KHDC1: variants seen among roughly 807,000 people sequenced by gnomAD.
KHDC1 encodes the protein KH homology domain-containing protein 1.
KHDC1 carries 21 observed loss-of-function variants against 24.7 expected under a neutral mutation model. The observed-to-expected ratio is 0.85, with a 90% CI of 0.60 to 1.23. KHDC1 has a LOEUF of 1.23. Among genes scored for constraint, KHDC1 ranks in the 50% most tolerant of loss-of-function variants. KHDC1 has a pLI of 0.00. For missense variants in KHDC1, 274 were observed against 298.5 expected, an observed-to-expected ratio of 0.92 and a Z score of 0.61; for synonymous variants, 98 against 111.7, an observed-to-expected ratio of 0.88 and a Z score of 0.77.
At chr6:73,262,680 T>C (rs1767001858) in intron 2 of KHDC1, 94 bp downstream of exon 1, 1 of 953,474 alleles carries the variant, frequency 1.0e-6, no homozygotes, top group African/African-American at 1.8e-5. Context: ...GTTTCCCCTG[T>C]TTTTACACTT....
chr6:73,243,059 T>C (rs550149007), intron 2 of KHDC1, among the ~76,000 whole-genome samples: 2 of 152,252 alleles, frequency 1.3e-5, no homozygotes, highest in East Asian at 1.9e-4. Flanking sequence ...TGGGTGAGTC[T>C]AAGGAGTGTT....
intron 2 of KHDC1, chr6:73,276,469 A>T (rs1283455106): frequency 6.6e-6 from 1 of 150,818 alleles, no homozygotes; most frequent in Non-Finnish European, 1.5e-5. Context: ...CCTGGGCGAA[A>T]GAGCAAAACT....
At chr6:73,252,192 G>C (rs942835194) in intron 2 of KHDC1, among the ~76,000 whole-genome samples, 3 of 151,938 alleles carry the variant, frequency 2.0e-5, no homozygotes, top group African/African-American at 7.3e-5. Context: ...ACAGGCCTGA[G>C]CCACCATACC....
intron 2 of KHDC1, among the ~76,000 whole-genome samples, chr6:73,278,009 GTTTT>G (rs70994182): frequency 2.8e-5 from 3 of 106,330 alleles, no homozygotes; most frequent in African/African-American, 1.2e-4. Flanking sequence ...TCTCTCGGGT[GTTTT>G]TTTTTTTTTT....
chr6:73,273,202 CTGTT>C (rs1767214358), intron 2 of KHDC1, among the ~76,000 whole-genome samples: 2 of 150,760 alleles, frequency 1.3e-5, no homozygotes, highest in South Asian at 4.2e-4. Flanking sequence ...GAGTCTCTCT[CTGTT>C]GCCCAGGCTG....
At chr6:73,276,859 T>C (rs573416325) in intron 2 of KHDC1, among the ~76,000 whole-genome samples, 2 of 152,180 alleles carry the variant, frequency 1.3e-5, no homozygotes, top group African/African-American at 2.4e-5. Flanking sequence ...AGATTCAAAA[T>C]GAGTTATAAT....
chr6:73,248,645 G>A (rs575155579), intron 2 of KHDC1, among the ~76,000 whole-genome samples: 145 of 152,372 alleles, frequency 9.5e-4, no homozygotes, highest in Non-Finnish European at 1.7e-3. Flanking sequence ...CCCTTGGTCA[G>A]TGAGGCGAAG....
chr6:73,242,420 T>C, exon 3 of KHDC1: 1 of 1,614,214 alleles, frequency 6.2e-7, no homozygotes, highest in Non-Finnish European at 8.5e-7. Context: ...GATGAGCTCC[T>C]CCTGGTCCTC....
intron 2 of KHDC1, among the ~76,000 whole-genome samples, chr6:73,278,749 G>T (rs1767348994): frequency 6.6e-6 from 1 of 152,046 alleles, no homozygotes; most frequent in Non-Finnish European, 1.5e-5. Flanking sequence ...ACTTTATCAT[G>T]GTATGTATGC....
intron 2 of KHDC1, among the ~76,000 whole-genome samples, chr6:73,272,780 G>T (rs1280024154): frequency 6.6e-6 from 1 of 150,642 alleles, no homozygotes; most frequent in Admixed American, 6.6e-5. Context: ...CATCCCGGGG[G>T]GGAAAAGAAA....
chr6:73,254,989 C>A (rs1156999495), intron 2 of KHDC1, among the ~76,000 whole-genome samples: 1 of 149,376 alleles, frequency 6.7e-6, no homozygotes, highest in Non-Finnish European at 1.5e-5. Flanking sequence ...GGAACAAGAG[C>A]AAGACTCCGT....
At chr6:73,253,924 CAAT>C (rs998249605) in intron 2 of KHDC1, among the ~76,000 whole-genome samples, 27 of 152,028 alleles carry the variant, frequency 1.8e-4, no homozygotes, top group African/African-American at 5.8e-4. Context: ...ACAGCAACAA[CAAT>C]AACAACAACA....
chr6:73,309,848 G>C lies in KHDC1; in HGVS notation c.-134C>G, dbSNP rs890855509. On this transcript the variant is annotated 5_prime_UTR_variant, in exon 1 of 5. Transcript: ENST00000370384. ...AGCGAAGTTCAGGACGCGAAGGAAAGGGCCACTTCGGGTCGGGGTCAACCC... is the reference window on the plus strand; with the variant it reads ...AGCGAAGTTCAGGACGCGAAGGAAACGGCCACTTCGGGTCGGGGTCAACCC... The C allele has an allele frequency of 2.1e-5, 22 of 1,030,174 alleles. No homozygotes were observed. The East Asian group carries it at 5.3e-4, about 25-fold the overall frequency. The allele number at this position is 1,030,174 out of a possible 1,614,324, so 63.8% of individuals were successfully genotyped here.
In KHDC1 at chr6:73,307,068, A is replaced by G. The variant is rs540127497; in HGVS notation, c.163+2484T>C. The stretch of plus-strand genomic sequence containing the variant: ...GTGAGAAGACACAACTACCTTTTGA[A>G]AATGTTTTTCCTTTTACCCTGGAAA... On this transcript the variant is annotated intron_variant, in intron 1 of 4. Transcript: ENST00000370384. Among the ~76,000 whole-genome samples the G allele has an allele frequency of 3.3e-5, 5 of 152,206 alleles. No individual in the cohort carries two copies. In the South Asian group the frequency reaches 1.0e-3, roughly 32 times the overall value.
At chr6:73,278,166 C>T (rs1285228420) in intron 2 of KHDC1, among the ~76,000 whole-genome samples, 3 of 149,562 alleles carry the variant, frequency 2.0e-5, no homozygotes, top group African/African-American at 7.4e-5. Flanking sequence ...CACAAGCCAC[C>T]ACGCCTGGCC....
chr6:73,298,139 T>C (rs28530192), intron 1 of KHDC1, among the ~76,000 whole-genome samples: 35,579 of 151,342 alleles, frequency 0.24, 4,873 homozygotes, highest in African/African-American at 0.37. Context: ...GCAGTGAAGG[T>C]GACAAAACGA....
At chr6:73,299,332 G>A (rs1767819665) in intron 1 of KHDC1, 1 of 152,256 alleles carries the variant, frequency 6.6e-6, no homozygotes, top group Non-Finnish European at 1.5e-5. Flanking sequence ...CCTGCTGAAG[G>A]GACTGACGCC....
intron 2 of KHDC1, 21 bp downstream of exon 1, chr6:73,262,753 A>G: frequency 1.4e-5 from 14 of 985,474 alleles, no homozygotes; most frequent in Non-Finnish European, 1.7e-5. Context: ...AGAAATGTGC[A>G]AGATCTAGAT....
exon 3 of KHDC1, chr6:73,242,504 G>C: frequency 6.2e-7 from 1 of 1,614,116 alleles, no homozygotes; most frequent in Non-Finnish European, 8.5e-7. Context: ...GAGAGCACTC[G>C]TTCCCATGTC....
Sources: gnomAD v4.1 joint callset for allele counts (sites outside exome capture counted in the v4.1 genomes callset) on GRCh38, gnomAD v4.1.1 for gene constraint, MANE v1.5 for transcripts, NCBI Gene and HGNC (gene_info 2026-07-23, HGNC 2026-07-21) for gene names.